TRPS1: variants seen among roughly 807,000 people sequenced by gnomAD.
TRPS1 encodes zinc finger transcription factor Trps1.
TRPS1 carries 6 observed loss-of-function variants against 101.2 expected under a neutral mutation model. The observed-to-expected ratio is 0.06, with a 90% CI of 0.03 to 0.12. TRPS1 has a LOEUF of 0.12. TRPS1 is among the 10% of genes least tolerant of loss of function. TRPS1 has a pLI of 1.00. For synonymous variants in TRPS1, 578 were observed against 589.8 expected, an observed-to-expected ratio of 0.98 and a Z score of 0.29; for missense variants, 1,363 against 1,567.0, an observed-to-expected ratio of 0.87 and a Z score of 2.20.
chr8:115,627,949 C>T (rs965460487), intron 1 of TRPS1, among the ~76,000 whole-genome samples: 2 of 151,574 alleles, frequency 1.3e-5, no homozygotes, highest in African/African-American at 4.8e-5. Flanking sequence ...CACCAGTAAG[C>T]CAAGTATATT....
intron 4 of TRPS1, among the ~76,000 whole-genome samples, chr8:115,589,553 T>C (rs1012500577): frequency 1.3e-5 from 2 of 152,188 alleles, no homozygotes; most frequent in Admixed American, 1.3e-4. Context: ...ATTTTTTTCA[T>C]TGTTTAAGTA....
rs1818789153 is a variant in TRPS1, at chr8:115,637,179, T to C, written c.-121-13421A>G. On this transcript the variant is annotated intron_variant, in intron 1 of 6. Transcript: ENST00000395715. ...AAGAGAAACAAACGGTTGCTAACAA[T>C]ATTAACATATGTCAAGAAACAGAGA... 1.6e-5 allele frequency: 14 copies of C among 887,778 alleles called. No homozygotes were observed. In the South Asian group the frequency reaches 5.2e-4, roughly 33 times the overall value. The allele number at this position is 887,778 out of a possible 1,614,324, so 55.0% of individuals were successfully genotyped here.
At chr8:115,599,256 T>A (rs951139222) in intron 4 of TRPS1, among the ~76,000 whole-genome samples, 4 of 152,212 alleles carry the variant, frequency 2.6e-5, no homozygotes, top group African/African-American at 9.6e-5. Flanking sequence ...TCAATCCATA[T>A]GTTTTAAGTT....
At chr8:115,659,481 A>G (rs1239304461) in intron 1 of TRPS1, among the ~76,000 whole-genome samples, 2 of 151,904 alleles carry the variant, frequency 1.3e-5, no homozygotes, top group African/African-American at 4.8e-5. Context: ...GTATATCAAA[A>G]AATAATCGAT....
At chr8:115,535,644 G>C (rs1490288356) in intron 5 of TRPS1, among the ~76,000 whole-genome samples, 1 of 150,622 alleles carries the variant, frequency 6.6e-6, no homozygotes, top group Admixed American at 6.6e-5. Flanking sequence ...GGCAGATCAC[G>C]AGGTCAGGAG....
At chr8:115,515,067 T>G in intron 5 of TRPS1, 1 of 571,672 alleles carries the variant, frequency 1.7e-6, no homozygotes, top group South Asian at 2.3e-5. Flanking sequence ...TAAGAAAAAT[T>G]TGTTGAGGAC....
At chr8:115,520,741 G>GA (rs1563571307) in intron 5 of TRPS1, among the ~76,000 whole-genome samples, 4 of 158 alleles carry the variant, frequency 0.025, no homozygotes, top group Non-Finnish European at 0.05. Context: ...AGACTTCTGT[G>GA]AAGTACATGT....
At chr8:115,534,606 A>G (rs1816236206) in intron 5 of TRPS1, among the ~76,000 whole-genome samples, 1 of 152,260 alleles carries the variant, frequency 6.6e-6, no homozygotes, top group African/African-American at 2.4e-5. Context: ...AACATGTTTC[A>G]TGCTTTGTGT....
chr8:115,547,894 C>A (rs1354844722), intron 5 of TRPS1, among the ~76,000 whole-genome samples: 1 of 152,088 alleles, frequency 6.6e-6, no homozygotes, highest in Non-Finnish European at 1.5e-5. Context: ...TGTGGCTACT[C>A]TAAGGATCAC....
intron 5 of TRPS1, among the ~76,000 whole-genome samples, chr8:115,568,165 T>C (rs1817113534): frequency 6.6e-6 from 1 of 152,060 alleles, no homozygotes; most frequent in African/African-American, 2.4e-5. Flanking sequence ...TGTATTATTG[T>C]ACTCCCCCAG....
At chr8:115,634,932 C>A (rs926210286) in intron 1 of TRPS1, among the ~76,000 whole-genome samples, 1 of 151,532 alleles carries the variant, frequency 6.6e-6, no homozygotes, top group Admixed American at 6.6e-5. Flanking sequence ...AATATCCTGC[C>A]CTGGTTTACT....
chr8:115,619,314 C>T lies in TRPS1; in HGVS notation c.784G>A (p.Gly262Arg). 6.2e-7 allele frequency: 1 copy of T among 1,614,196 alleles called. No homozygotes were observed. Among genetic ancestry groups the T allele is most frequent in the Non-Finnish European group, 8.5e-7 (1 of 1,180,038 alleles). ...TCTTGCCTGGTGCGGTTATGCAGTC[C>T]TAAGTGATACTTTCGGAAGTGCTTA... ...LIKHFRKYHL[G>R]LHNRTRQDAE... is the part of the protein sequence containing the mutation. The change falls in exon 3 of 7, where the codon GGA becomes AGA. Residue 262 changes from glycine (G) to arginine (R), a missense_variant. By Grantham distance (125) the Gly-to-Arg change is moderately radical. Around this residue, in one of 5 missense-constraint regions of TRPS1, gnomAD observed 1,020 missense variants for 1,073.0 expected, o/e 0.95. Transcript: ENST00000395715.
intron 5 of TRPS1, among the ~76,000 whole-genome samples, chr8:115,571,890 C>T (rs1963678): frequency 0.69 from 104,936 of 151,438 alleles, 37,789 homozygotes; most frequent in African/African-American, 0.9. Context: ...TATGTATATA[C>T]GACCCTAAGT....
chr8:115,519,845 A>G (rs116470829), intron 5 of TRPS1, among the ~76,000 whole-genome samples: 2,046 of 151,830 alleles, frequency 0.013, 41 homozygotes, highest in African/African-American at 0.047. Flanking sequence ...AATTATATTG[A>G]ATATAATGTT....
At chr8:115,568,976 C>T (rs1008999417) in intron 5 of TRPS1, among the ~76,000 whole-genome samples, 1 of 151,964 alleles carries the variant, frequency 6.6e-6, no homozygotes, top group African/African-American at 2.4e-5. Flanking sequence ...AAAAGATGAA[C>T]AAATGTTTTA....
chr8:115,561,597 G>A (rs1286306669), intron 5 of TRPS1, among the ~76,000 whole-genome samples: 1 of 151,734 alleles, frequency 6.6e-6, no homozygotes, highest in Non-Finnish European at 1.5e-5. Context: ...TTTTACCCTC[G>A]GTAACCTTTA....
At chr8:115,498,098 C>T (rs1189070166) in intron 5 of TRPS1, among the ~76,000 whole-genome samples, 1 of 152,090 alleles carries the variant, frequency 6.6e-6, no homozygotes, top group African/African-American at 2.4e-5. Context: ...AAATTATAGG[C>T]TGGGTGTGGT....
intron 1 of TRPS1, chr8:115,668,328 C>A: frequency 6.6e-6 from 1 of 151,776 alleles, no homozygotes; most frequent in Non-Finnish European, 1.4e-5. Context: ...GCTTTCTGCA[C>A]ACTCTCCCTC....
chr8:115,533,449 T>TGTTTTGTTTTG lies in TRPS1; in HGVS notation c.2700+53551_2700+53552insCAAAACAAAAC, dbSNP rs1182320214. ...CACATGTAATCTGTTTTTTTTTTTTTTTTTTTTTTTCCTGAAAAAAATCAT... is the reference window on the plus strand; with the variant it reads ...CACATGTAATCTGTTTTTTTTTTTTTGTTTTGTTTTGTTTTTTTTTTCCTGAAAAAAATCAT... On this transcript the variant is annotated intron_variant, in intron 5 of 6. Transcript: ENST00000395715. Among the ~76,000 whole-genome samples the TGTTTTGTTTTG allele has an allele frequency of 3.5e-4, 43 of 123,338 alleles. 1 individual carries two copies. The highest frequency in any genetic ancestry group is 1.7e-3 in the African/African-American group (42 of 24,146). The allele number at this position is 123,338 out of a possible 152,430, so 80.9% of individuals were successfully genotyped here.
Sources: gnomAD v4.1 joint callset for allele counts (sites outside exome capture counted in the v4.1 genomes callset) on GRCh38, gnomAD v4.1.1 for gene constraint, gnomAD v4.1.1 regional missense constraint, MANE v1.5 for transcripts, NCBI Gene and HGNC (gene_info 2026-07-23, HGNC 2026-07-21) for gene names.